ENPP1: variants seen among roughly 807,000 people sequenced by gnomAD.
ENPP1 encodes the protein ectonucleotide pyrophosphatase/phosphodiesterase family member 1.
Under a neutral mutation model 122.8 loss-of-function variants are expected in ENPP1, and 73 were observed. The observed-to-expected ratio is 0.59, with a 90% CI of 0.49 to 0.72. ENPP1 has a LOEUF of 0.72. Ranked by LOEUF, ENPP1 falls within the 30% of genes least tolerant of loss-of-function variation. The pLI is 0.00. For missense variants in ENPP1, 978 were observed against 1,128.1 expected (o/e 0.87, Z 1.91); for synonymous variants, 367 against 391.6 (o/e 0.94, Z 0.74).
chr6:131,881,232 A>G (rs1359370986), intron 20 of ENPP1, among the ~76,000 whole-genome samples: 1 of 152,222 alleles, frequency 6.6e-6, no homozygotes, highest in Non-Finnish European at 1.5e-5. Flanking sequence ...TTACAAATAT[A>G]TAATACACAC....
intron 1 of ENPP1, among the ~76,000 whole-genome samples, chr6:131,845,043 G>GTTTTTTTTTTTTTT (rs142380855): frequency 2.4e-5 from 2 of 84,986 alleles, no homozygotes; most frequent in African/African-American, 5.0e-5. Flanking sequence ...ATTCTTCATG[G>GTTTTTTTTTTTTTT]TTTTTTTTTT....
At chr6:131,825,459 T>G (rs1424959507) in intron 1 of ENPP1, among the ~76,000 whole-genome samples, 1 of 152,226 alleles carries the variant, frequency 6.6e-6, no homozygotes, top group Non-Finnish European at 1.5e-5. Flanking sequence ...AAAAGTTTAT[T>G]TCCTCAATCA....
chr6:131,892,156 T>C lies in ENPP1; in HGVS notation c.*1645T>C, dbSNP rs1345684186. 3 of 152,220 alleles carry C rather than the reference T, an allele frequency of 2.0e-5. No homozygotes were observed. Among genetic ancestry groups the C allele is most frequent in the Non-Finnish European group, 4.4e-5 (3 of 68,040 alleles). The allele number at this position is 152,220 out of a possible 1,614,324, so 9.4% of individuals were successfully genotyped here. On this transcript the variant is annotated 3_prime_UTR_variant, in exon 25 of 25. Transcript: ENST00000647893. ...TGTTTGCATCTACTGATGGTCTTTT[T>C]TCCATTCGGAAACATTTTCCTGTTT...
chr6:131,892,605 G>C lies in ENPP1; in HGVS notation c.*2094G>C, dbSNP rs1782485479. On this transcript the variant is annotated 3_prime_UTR_variant, in exon 25 of 25. Coordinates refer to ENST00000647893, the MANE Select transcript of ENPP1 (RefSeq NM_006208.3). Reference sequence around the variant, plus strand: ...CCTTCTCCGACACCACTCTGGAGTTGTATTCTTCCAGCACACAAACATACA... The same window carrying C: ...CCTTCTCCGACACCACTCTGGAGTTCTATTCTTCCAGCACACAAACATACA... 6.6e-6 allele frequency: 1 copy of C among 152,166 alleles called. No homozygotes were observed. Among genetic ancestry groups the C allele is most frequent in the Non-Finnish European group, 1.5e-5 (1 of 68,052 alleles). The allele number at this position is 152,166 out of a possible 1,614,324, so 9.4% of individuals were successfully genotyped here.
At chr6:131,887,853 C>T (rs1247072476) in intron 24 of ENPP1, among the ~76,000 whole-genome samples, 1 of 147,316 alleles carries the variant, frequency 6.8e-6, no homozygotes, top group Admixed American at 6.8e-5. Context: ...GCGTGAGCCA[C>T]CGTGCCTGGC....
intron 1 of ENPP1, among the ~76,000 whole-genome samples, chr6:131,813,065 T>A (rs540099979): frequency 6.6e-6 from 1 of 152,276 alleles, no homozygotes; most frequent in South Asian, 2.1e-4. Context: ...GGTCTTGAAC[T>A]CCTGAGCTCA....
intron 6 of ENPP1, among the ~76,000 whole-genome samples, chr6:131,857,065 G>A (rs141117850): frequency 0.026 from 3,992 of 152,114 alleles, 179 homozygotes; most frequent in African/African-American, 0.087. Context: ...CATTGAATCT[G>A]TAAATTACCT....
intron 1 of ENPP1, chr6:131,827,051 C>T (rs188791143): frequency 2.9e-5 from 17 of 581,704 alleles, no homozygotes; most frequent in African/African-American, 7.4e-5. Context: ...AGACGGCAGA[C>T]GGCAGCTTCA....
intron 11 of ENPP1, among the ~76,000 whole-genome samples, chr6:131,866,799 A>G (rs1782097211): frequency 1.3e-5 from 2 of 152,174 alleles, no homozygotes; most frequent in African/African-American, 4.8e-5. Context: ...ACATGTCATA[A>G]TTGGTCAAAG....
chr6:131,849,604 A>G (rs1346461050), intron 2 of ENPP1, among the ~76,000 whole-genome samples: 1 of 152,218 alleles, frequency 6.6e-6, no homozygotes, highest in African/African-American at 2.4e-5. Context: ...TTGAAATTTT[A>G]GGGAACCCCA....
intron 1 of ENPP1, chr6:131,828,154 C>T (rs961730026): frequency 6.9e-6 from 4 of 579,328 alleles, no homozygotes; most frequent in African/African-American, 3.7e-5. Context: ...CGAGTGGGAT[C>T]GGAAACTGAT....
chr6:131,829,255 T>G (rs559229950), intron 1 of ENPP1, among the ~76,000 whole-genome samples: 25 of 152,398 alleles, frequency 1.6e-4, no homozygotes, highest in African/African-American at 6.0e-4. Flanking sequence ...AACTAAACTT[T>G]ACAATTCTTT....
intron 1 of ENPP1, among the ~76,000 whole-genome samples, chr6:131,846,150 C>T (rs6926970): frequency 5.9e-5 from 9 of 151,890 alleles, no homozygotes; most frequent in South Asian, 2.1e-4. Context: ...GTACATAGTC[C>T]GTACTCAATA....
chr6:131,881,973 G>A (rs1239333074), intron 20 of ENPP1, among the ~76,000 whole-genome samples: 1 of 151,986 alleles, frequency 6.6e-6, no homozygotes, highest in Non-Finnish European at 1.5e-5. Context: ...AGCCGAGATT[G>A]CGCCGCTGCC....
chr6:131,867,830 G>C (rs185735170), intron 11 of ENPP1, among the ~76,000 whole-genome samples, 188 bp from the exon 12 acceptor site: 44 of 151,896 alleles, frequency 2.9e-4, no homozygotes, highest in African/African-American at 1.0e-3. Flanking sequence ...CTCTGACCCT[G>C]ACCTGTCTTA....
Position 131,847,765 on chromosome 6 carries a change from T to G in ENPP1, c.241-11T>G. 1 of 1,587,782 alleles carries G rather than the reference T, an allele frequency of 6.3e-7. No individual in the cohort carries two copies. Among genetic ancestry groups the G allele is most frequent in the African/African-American group, 1.3e-5 (1 of 74,544 alleles). On this transcript the variant is annotated splice_polypyrimidine_tract_variant and intron_variant, in intron 1 of 24. Transcript: ENST00000647893. ...AAAGAAACCATGTAATTTTCTCTTT[T>G]CTCCCTACAGGTATTGTCAGTATGT...
intron 1 of ENPP1, chr6:131,827,679 C>T (rs143863910): frequency 5.0e-4 from 323 of 649,264 alleles, no homozygotes; most frequent in Admixed American, 1.8e-3. Flanking sequence ...GCTCTACGTG[C>T]ATGCGGAATC....
rs34638422 is a variant in ENPP1, at chr6:131,845,451, GT to G, written c.241-2308del. 1.5e-3 allele frequency among the ~76,000 whole-genome samples: 206 copies of G among 133,048 alleles called. 1 individual carries two copies. Among genetic ancestry groups the G allele is most frequent in the African/African-American group, 4.7e-3 (173 of 36,506 alleles). The allele number at this position is 133,048 out of a possible 152,430, so 87.3% of individuals were successfully genotyped here. ...ACAGTTTTTGTTGTTGTTTTGGCTT[GT>G]TTTTTTTTTTTTTTTTAATTTTTTT... On this transcript the variant is annotated intron_variant, in intron 1 of 24. Transcript: ENST00000647893.
chr6:131,852,116 G>T (rs573918727), intron 4 of ENPP1, 59 bp from the exon 5 acceptor site: 369 of 1,094,644 alleles, frequency 3.4e-4, no homozygotes, highest in Non-Finnish European at 4.8e-4. Context: ...TGTCTCACAA[G>T]CATCACAATT....
Sources: allele counts gnomAD v4.1 joint callset (sites outside exome capture counted in the v4.1 genomes callset), GRCh38; gene constraint gnomAD v4.1.1; transcripts MANE v1.5; gene names NCBI Gene and HGNC (gene_info 2026-07-23, HGNC 2026-07-21).